Variants in NOX4 observed in about 807,000 individuals in gnomAD.
The protein encoded by NOX4 is NADPH oxidase 4.
A neutral mutation model predicts 87.6 loss-of-function variants in NOX4; 69 were observed. That is an observed-to-expected ratio of 0.79 (90% CI 0.65 to 0.96). The LOEUF is 0.96. NOX4 is among the 40% of genes least tolerant of loss of function. The pLI is 0.00. For synonymous variants in NOX4, 275 were observed against 238.2 expected (o/e 1.15, Z -1.42); for missense variants, 680 against 681.5 (o/e 1.00, Z 0.02).
chr11:89,588,369 G>GCAT, the NOX4 span, among the ~76,000 whole-genome samples: 1 of 152,080 alleles, frequency 6.6e-6, no homozygotes, highest in African/African-American at 2.4e-5. Context: ...AAAAACAGAA[G>GCAT]CATCGAGAAA....
At chr11:89,456,818 G>C (rs1186819548) in intron 2 of NOX4, among the ~76,000 whole-genome samples, 1 of 152,132 alleles carries the variant, frequency 6.6e-6, no homozygotes, top group Non-Finnish European at 1.5e-5. Flanking sequence ...GTGGAGTATG[G>C]CTAGGGTGCC....
the NOX4 span, among the ~76,000 whole-genome samples, chr11:89,505,849 C>T: frequency 2.6e-5 from 4 of 151,632 alleles, no homozygotes; most frequent in African/African-American, 7.3e-5. Flanking sequence ...AGTCTTCCTC[C>T]TAAATTAACT....
chr11:89,330,628 GAA>G lies in NOX4; in HGVS notation c.1617-3754_1617-3753del, dbSNP rs35155228. ...AACAACCTAAAGCAATTACTAAAAA[GAA>G]AAAAAAAAAAAAATACAGAGGCATG... On this transcript the variant is annotated intron_variant, in intron 17 of 17. Transcript: ENST00000263317. Among the ~76,000 whole-genome samples the G allele has an allele frequency of 6.6e-3, 529 of 79,626 alleles. 2 individuals carry two copies. Among genetic ancestry groups the G allele is most frequent in the African/African-American group, 0.021 (467 of 22,622 alleles). 52.2% of individuals were successfully genotyped at this position (79,626 alleles called of 152,430 possible).
intron 15 of NOX4, among the ~76,000 whole-genome samples, chr11:89,338,776 A>G (rs1945839422): frequency 6.6e-6 from 1 of 152,060 alleles, no homozygotes; most frequent in Non-Finnish European, 1.5e-5. Flanking sequence ...TAGTCTGCTC[A>G]TTCACTTCAG....
chr11:89,449,126 T>C (rs749651577), intron 4 of NOX4, among the ~76,000 whole-genome samples: 7 of 152,178 alleles, frequency 4.6e-5, no homozygotes, highest in Non-Finnish European at 8.8e-5. Context: ...GGAAAAGAAC[T>C]ACTAAGCTAT....
chr11:89,527,679 G>A, the NOX4 span, among the ~76,000 whole-genome samples: 1 of 152,198 alleles, frequency 6.6e-6, no homozygotes, highest in South Asian at 2.1e-4. Context: ...GCCTGAGGGT[G>A]CACAGAAGTC....
At chr11:89,398,774 T>G (rs971368215) in intron 11 of NOX4, among the ~76,000 whole-genome samples, 1 of 151,850 alleles carries the variant, frequency 6.6e-6, no homozygotes, top group East Asian at 2.0e-4. Context: ...TCTTAGAAAA[T>G]GAATAAAGTC....
chr11:89,482,627 C>T (rs978282370), intron 2 of NOX4, among the ~76,000 whole-genome samples: 3 of 152,020 alleles, frequency 2.0e-5, no homozygotes, highest in Non-Finnish European at 4.4e-5. Context: ...AATTTCTTTC[C>T]TTTAAACCAC....
chr11:89,457,439 G>A (rs1213535450), intron 2 of NOX4, among the ~76,000 whole-genome samples: 1 of 152,130 alleles, frequency 6.6e-6, no homozygotes, highest in East Asian at 1.9e-4. Context: ...AAGCCAACAG[G>A]AGTAAACCCT....
the NOX4 span, among the ~76,000 whole-genome samples, chr11:89,534,944 A>C: frequency 6.6e-6 from 1 of 152,234 alleles, no homozygotes; most frequent in South Asian, 2.1e-4. Context: ...ATTCTCTAAA[A>C]GCCTGAACTT....
intron 8 of NOX4, among the ~76,000 whole-genome samples, chr11:89,407,278 A>G (rs993889386): frequency 6.6e-6 from 1 of 152,032 alleles, no homozygotes; most frequent in African/African-American, 2.4e-5. Flanking sequence ...TTTAAAGCAA[A>G]AAACAAGAAG....
At chr11:89,494,743 G>A (rs10830280), upstream of NOX4, among the ~76,000 whole-genome samples, 1 of 152,070 alleles carries the variant, frequency 6.6e-6, no homozygotes, top group Non-Finnish European at 1.5e-5. Flanking sequence ...CCTTAAAATG[G>A]ATGTTACCAA....
intron 11 of NOX4, among the ~76,000 whole-genome samples, chr11:89,388,828 A>G (rs140192352): frequency 0.019 from 2,857 of 152,234 alleles, 84 homozygotes; most frequent in African/African-American, 0.065. Flanking sequence ...CTTAGTCACT[A>G]TCTGAAACAA....
intron 8 of NOX4, among the ~76,000 whole-genome samples, chr11:89,413,234 G>T (rs1463978600): frequency 6.6e-6 from 1 of 152,134 alleles, no homozygotes; most frequent in African/African-American, 2.4e-5. Context: ...TGGTGGGAAT[G>T]TAAGTTAGCA....
chr11:89,517,408 T>C, the NOX4 span, among the ~76,000 whole-genome samples: 1 of 152,060 alleles, frequency 6.6e-6, no homozygotes, highest in Non-Finnish European at 1.5e-5. Flanking sequence ...CCTTTACTTT[T>C]TCTATGTGCT....
intron 2 of NOX4, among the ~76,000 whole-genome samples, chr11:89,484,474 C>T (rs552090333): frequency 6.6e-5 from 10 of 152,174 alleles, no homozygotes; most frequent in African/African-American, 2.4e-4. Context: ...AAATGTAAAG[C>T]TAGTAGTCCA....
intron 8 of NOX4, among the ~76,000 whole-genome samples, chr11:89,407,796 C>T (rs1252233276): frequency 6.6e-6 from 1 of 151,506 alleles, no homozygotes; most frequent in Non-Finnish European, 1.5e-5. Context: ...ATAAATATTA[C>T]AAAATACCAC....
At chr11:89,482,427 T>C (rs1453026909) in intron 2 of NOX4, among the ~76,000 whole-genome samples, 1 of 152,058 alleles carries the variant, frequency 6.6e-6, no homozygotes, top group Non-Finnish European at 1.5e-5. Context: ...AATGAGGTCA[T>C]TGGGATGGGC....
At position 89,425,300 on chromosome 11, in the gene NOX4, C is replaced by G. The variant is rs574389084; in HGVS notation, c.549-3318G>C. 5.3e-5 allele frequency among the ~76,000 whole-genome samples: 8 copies of G among 150,982 alleles called. No homozygotes were observed. The East Asian group carries it at 1.4e-3, about 26-fold the overall frequency. ...TCTTATGAAAAGCTTTAAAAGTGTT[C>G]TTACAATTTGACTCAGCTATTCTAC... On this transcript the variant is annotated intron_variant, in intron 7 of 17. Coordinates refer to ENST00000263317, the MANE Select transcript of NOX4 (RefSeq NM_016931.5).
Sources: gnomAD v4.1 joint callset for allele counts (sites outside exome capture counted in the v4.1 genomes callset) on GRCh38, gnomAD v4.1.1 for gene constraint, MANE v1.5 for transcripts, NCBI Gene and HGNC (gene_info 2026-07-23, HGNC 2026-07-21) for gene names.